IWS1: variants seen among roughly 807,000 people sequenced by gnomAD.
IWS1 encodes the protein protein IWS1 homolog.
IWS1 carries 27 observed loss-of-function variants against 86.7 expected under a neutral mutation model. The ratio of observed to expected loss-of-function variants is 0.31; its 90% CI spans 0.23 to 0.43. IWS1 has a LOEUF of 0.43. Among genes scored for constraint, IWS1 ranks in the 20% least tolerant of loss-of-function variants. IWS1 has a pLI of 1.00. For synonymous variants in IWS1, 313 were observed against 335.1 expected (o/e 0.93, Z 0.72); for missense variants, 827 against 1,000.8 (o/e 0.83, Z 2.34).
At chr2:127,497,289 T>C (rs921413952) in intron 6 of IWS1, among the ~76,000 whole-genome samples, 6 of 152,244 alleles carry the variant, frequency 3.9e-5, no homozygotes, top group Non-Finnish European at 8.8e-5. Context: ...AAGTACATTT[T>C]AAGTTCCAAT....
chr2:127,502,475 T>C (rs551208863), intron 5 of IWS1: 2 of 178,626 alleles, frequency 1.1e-5, no homozygotes, highest in South Asian at 3.9e-4. Flanking sequence ...GCTTTTCTAG[T>C]TGTGCTTGGC....
chr2:127,488,805 T>C lies in IWS1; in HGVS notation c.2216+374A>G, dbSNP rs1690066224. On this transcript the variant is annotated intron_variant, in intron 12 of 13. Transcript: ENST00000295321. ...TACTGTCCAACCCCTTCAGTCTACTTGCCATTCCAAACACAGACCTGGCAC... is the reference window on the plus strand; with the variant it reads ...TACTGTCCAACCCCTTCAGTCTACTCGCCATTCCAAACACAGACCTGGCAC... Among the ~76,000 whole-genome samples, 4 of 152,328 alleles carry C rather than the reference T, an allele frequency of 2.6e-5. No individual in the cohort carries two copies. In the South Asian group the frequency reaches 8.3e-4, roughly 32 times the overall value.
chr2:127,501,456 C>T (rs1020953724), intron 5 of IWS1, among the ~76,000 whole-genome samples: 5 of 152,080 alleles, frequency 3.3e-5, no homozygotes, highest in East Asian at 3.9e-4. Flanking sequence ...TGTACAACTT[C>T]GAGAATCTAT....
At position 127,499,095 on chromosome 2, in the gene IWS1, CT is replaced by C. The variant is rs397718564; in HGVS notation, c.1468-859del. ...TTTGCCAGGCATAATTTTTCTTTTT[CT>C]TTTTTTTTTTTTGAGACGGAGTCTC... On this transcript the variant is annotated intron_variant, in intron 5 of 13. Coordinates refer to ENST00000295321, the MANE Select transcript of IWS1 (RefSeq NM_017969.3). The surrounding 1 kb of genome is among the most constrained non-coding windows in gnomAD (Gnocchi z 4.0). Among the ~76,000 whole-genome samples, 12 of 143,746 alleles carry C rather than the reference CT, an allele frequency of 8.3e-5. No individual in the cohort carries two copies. The highest frequency in any genetic ancestry group is 6.9e-5 in the Admixed American group (1 of 14,518). 94.3% of individuals were successfully genotyped at this position (143,746 alleles called of 152,430 possible). A position where few individuals can be genotyped will look rare whatever the true frequency, so the allele number is the denominator to read the frequency against.
In IWS1 at chr2:127,481,465, G is replaced by A. The variant is rs538891031; in HGVS notation, c.2329-290C>T. The stretch of plus-strand genomic sequence containing the variant: ...AAAGGGGGGGGGAAACTGAGACTAT[G>A]ATCCTCCCAATTCCATCATGTACAT... On this transcript the variant is annotated intron_variant, in intron 13 of 13. Transcript: ENST00000295321. Among the ~76,000 whole-genome samples, 4 of 152,186 alleles carry A rather than the reference G, an allele frequency of 2.6e-5. No individual in the cohort carries two copies. The South Asian group carries it at 8.3e-4, about 32-fold the overall frequency.
Position 127,494,976 on chromosome 2 carries a change from A to AT in IWS1, c.1717-23dup, listed in dbSNP as rs201729206. Reference sequence around the variant, plus strand: ...CTTCCTATTCAGAAAAAAAATAAAGATTTTTTTTTAAAACAGTACTTTTTA... The same window carrying AT: ...CTTCCTATTCAGAAAAAAAATAAAGATTTTTTTTTTAAAACAGTACTTTTTA... On this transcript the variant is annotated intron_variant, in intron 7 of 13. Transcript: ENST00000295321. 8.3e-4 allele frequency: 1,217 copies of AT among 1,458,454 alleles called. 3 individuals are homozygous for AT. In the African/African-American group the frequency reaches 0.011, roughly 13 times the overall value. The allele number at this position is 1,458,454 out of a possible 1,614,324, so 90.3% of individuals were successfully genotyped here. A position where few individuals can be genotyped will look rare whatever the true frequency, so the allele number is the denominator to read the frequency against.
In IWS1 at chr2:127,499,904, T is replaced by A. The variant is rs542946642; in HGVS notation, c.1468-1667A>T. On this transcript the variant is annotated intron_variant, in intron 5 of 13. Transcript: ENST00000295321. The surrounding 1 kb of genome is among the most constrained non-coding windows in gnomAD (Gnocchi z 4.0). ...TTTCAATAAATGGTGCTGGGTCAAC[T>A]GGATACTTCAAATAAGGAAAAAAAT... Among the ~76,000 whole-genome samples, 1 of 152,204 alleles carries A rather than the reference T, an allele frequency of 6.6e-6. No individual in the cohort carries two copies. The highest frequency in any genetic ancestry group is 1.5e-5 in the Non-Finnish European group (1 of 68,026).
intron 13 of IWS1, chr2:127,482,910 T>C (rs1254043113): frequency 1.3e-5 from 2 of 152,116 alleles, no homozygotes; most frequent in East Asian, 1.9e-4. Context: ...TCAATTATGG[T>C]ACAACTGTGT....
intron 2 of IWS1, among the ~76,000 whole-genome samples, chr2:127,512,428 C>T (rs1370053260): frequency 2.0e-5 from 3 of 152,184 alleles, no homozygotes; most frequent in African/African-American, 7.2e-5. Context: ...AGAGTTTTCC[C>T]CCTTCTTCCC....
chr2:127,525,838 C>T (rs1471090550), intron 1 of IWS1, among the ~76,000 whole-genome samples: 2 of 152,222 alleles, frequency 1.3e-5, no homozygotes, highest in Non-Finnish European at 2.9e-5. Flanking sequence ...GCCCCAACGC[C>T]CCTTGGATTC....
At chr2:127,511,832 CTAA>C (rs1260206186) in intron 2 of IWS1, among the ~76,000 whole-genome samples, 2 of 152,146 alleles carry the variant, frequency 1.3e-5, no homozygotes, top group Non-Finnish European at 2.9e-5. Flanking sequence ...ATCAAAAGAA[CTAA>C]TAAGAAATAG....
At chr2:127,516,029 T>C (rs1439021591) in intron 2 of IWS1, among the ~76,000 whole-genome samples, 3 of 152,118 alleles carry the variant, frequency 2.0e-5, no homozygotes, top group East Asian at 1.9e-4. Context: ...CTGAGAATAC[T>C]GGGGCCCTAA....
At chr2:127,488,738 T>C (rs1200431535) in intron 12 of IWS1, among the ~76,000 whole-genome samples, 1 of 152,208 alleles carries the variant, frequency 6.6e-6, no homozygotes, top group African/African-American at 2.4e-5. Context: ...TTCACCGGTC[T>C]ATTATTTCCA....
chr2:127,502,008 A>G (rs538118307), intron 5 of IWS1, among the ~76,000 whole-genome samples: 4 of 152,242 alleles, frequency 2.6e-5, no homozygotes, highest in Admixed American at 6.5e-5. Flanking sequence ...TAAAATTCCT[A>G]TATCTAGAGC....
At position 127,486,543 on chromosome 2, in the gene IWS1, G is replaced by C; in HGVS notation, c.2328+10C>G. On this transcript the variant is annotated intron_variant, in intron 13 of 13. Transcript: ENST00000295321. ...GTGAGATCCACCTTGCCGATCCTCC[G>C]CTTGCTTACCCTGGATGACTCCATT... The C allele has an allele frequency of 6.3e-7, 1 of 1,595,836 alleles. No homozygotes were observed. The highest frequency in any genetic ancestry group is 8.6e-7 in the Non-Finnish European group (1 of 1,163,418).
rs558682991 is a variant in IWS1 at position 127,502,964 on chromosome 2, A to G, written c.1410-92T>C. ...AAAAAATAGAATTTATGTACAGTAA[A>G]ATGTGCAGATCTTCAGTGTTCAGTT... On this transcript the variant is annotated intron_variant, in intron 4 of 13. Coordinates refer to ENST00000295321, the MANE Select transcript of IWS1 (RefSeq NM_017969.3). The G allele has an allele frequency of 2.2e-3, 1,621 of 734,598 alleles. 7 individuals carry two copies. Among genetic ancestry groups the G allele is most frequent in the Non-Finnish European group, 3.0e-3 (1,265 of 422,496 alleles). 45.5% of individuals were successfully genotyped at this position (734,598 alleles called of 1,614,324 possible).
rs1176748364 is a variant in IWS1, at chr2:127,486,634, A to G, written c.2247T>C (p.Cys749=). 1 of 1,614,074 alleles carries G rather than the reference A, an allele frequency of 6.2e-7. No homozygotes were observed. Among genetic ancestry groups the G allele is most frequent in the East Asian group, 2.2e-5 (1 of 44,884 alleles). ...AAGGCATTGGGACCCTTGCACGGGC[A>G]CAGAATCCAGGATCTCCAGGTCTAA... ...KALRPGDPGF[C]ARARVPMPSN... is the part of the protein sequence containing the mutation. Residue 749 remains cysteine, a synonymous_variant, in exon 13 of 14, where the codon TGT becomes TGC. Transcript: ENST00000295321.
rs964930619 is a variant in IWS1 at position 127,526,344 on chromosome 2, G to A, written c.-136C>T. The A allele has an allele frequency of 1.0e-5, 16 of 1,538,072 alleles. 1 individual carries two copies. The South Asian group carries it at 1.6e-4, about 15-fold the overall frequency. On this transcript the variant is annotated 5_prime_UTR_variant, in exon 1 of 14. Transcript: ENST00000295321. The stretch of plus-strand genomic sequence containing the variant: ...GACCGGAGAACTTAACGGGTGCGGA[G>A]GGTAAGAAAGCGGTAGCGGCAAAGG...
At chr2:127,487,044 A>G (rs892832638) in intron 12 of IWS1, among the ~76,000 whole-genome samples, 3 of 152,212 alleles carry the variant, frequency 2.0e-5, no homozygotes, top group Non-Finnish European at 4.4e-5. Context: ...GAGATGAGGA[A>G]TTGTGAAGAA....
Sources: allele counts gnomAD v4.1 joint callset (sites outside exome capture counted in the v4.1 genomes callset), GRCh38; gene constraint gnomAD v4.1.1; non-coding constraint Gnocchi (gnomAD v3.1); transcripts MANE v1.5; gene names NCBI Gene and HGNC (gene_info 2026-07-23, HGNC 2026-07-21).